The following KCNQ5 variants were observed in gnomAD, a reference collection of about 807,000 sequenced individuals.
KCNQ5 encodes potassium voltage-gated channel subfamily Q member 5, also known as potassium voltage-gated channel subfamily KQT member 5.
KCNQ5 carries 30 observed loss-of-function variants against 98.2 expected under a neutral mutation model. The ratio of observed to expected loss-of-function variants is 0.31; its 90% CI spans 0.23 to 0.41. The LOEUF (loss-of-function observed/expected upper bound fraction) is 0.41. Ranked by LOEUF, KCNQ5 falls within the 10% of genes least tolerant of loss-of-function variation. KCNQ5 has a pLI of 1.00. For synonymous variants in KCNQ5, 458 were observed against 449.4 expected (o/e 1.02, Z -0.24); for missense variants, 835 against 1,182.5 (o/e 0.71, Z 4.31).
chr6:73,193,464 A>AAAAATAAAATAAAATAATAAAATAAAAT (rs1765672704), intron 13 of KCNQ5, among the ~76,000 whole-genome samples: 1 of 126,696 alleles, frequency 7.9e-6, no homozygotes, highest in African/African-American at 3.0e-5. Context: ...TGTCTCTACT[A>AAAAATAAAATAAAATAATAAAATAAAAT]AAAATAAAAT....
intron 6 of KCNQ5, among the ~76,000 whole-genome samples, chr6:73,108,750 C>G (rs566104284): frequency 1.3e-5 from 2 of 152,136 alleles, no homozygotes; most frequent in African/African-American, 2.4e-5. Context: ...TGATGTAAAC[C>G]CAGGAGGCGG....
chr6:73,066,789 A>G (rs1490735784), intron 3 of KCNQ5, among the ~76,000 whole-genome samples: 1 of 152,080 alleles, frequency 6.6e-6, no homozygotes, highest in African/African-American at 2.4e-5. Flanking sequence ...TTATGCTTCC[A>G]TGCTTTACAT....
At chr6:73,081,974 A>C (rs1387357933) in intron 5 of KCNQ5, among the ~76,000 whole-genome samples, 1 of 152,236 alleles carries the variant, frequency 6.6e-6, no homozygotes, top group Non-Finnish European at 1.5e-5. Flanking sequence ...ACTTTATGCC[A>C]ACATTTCCAA....
intron 1 of KCNQ5, among the ~76,000 whole-genome samples, chr6:72,685,820 A>G (rs1271074827): frequency 6.6e-6 from 1 of 152,242 alleles, no homozygotes; most frequent in African/African-American, 2.4e-5. Context: ...CTAGAAATGT[A>G]TCTTGGGCTC....
At chr6:72,852,119 A>G (rs1190769857) in intron 1 of KCNQ5, among the ~76,000 whole-genome samples, 1 of 152,150 alleles carries the variant, frequency 6.6e-6, no homozygotes, top group Non-Finnish European at 1.5e-5. Flanking sequence ...ACTCTTTAGC[A>G]ATATTAAAGA....
chr6:72,844,792 G>A (rs747973067), intron 1 of KCNQ5, among the ~76,000 whole-genome samples: 65 of 152,126 alleles, frequency 4.3e-4, no homozygotes, highest in African/African-American at 1.2e-3. Context: ...GTGACATTTC[G>A]TGGCCACTGG....
intron 2 of KCNQ5, among the ~76,000 whole-genome samples, chr6:73,024,710 C>T (rs1770794393): frequency 6.6e-6 from 1 of 152,156 alleles, no homozygotes; most frequent in Non-Finnish European, 1.5e-5. Flanking sequence ...TGACTAGCAG[C>T]TTTTTATAAG....
intron 11 of KCNQ5, among the ~76,000 whole-genome samples, chr6:73,173,887 T>C (rs1032235741): frequency 6.6e-6 from 1 of 152,128 alleles, no homozygotes; most frequent in African/African-American, 2.4e-5. Context: ...CTTTTTTAAA[T>C]ATAACAGAAA....
At chr6:72,832,484 C>T (rs747616985) in intron 1 of KCNQ5, among the ~76,000 whole-genome samples, 10 of 152,050 alleles carry the variant, frequency 6.6e-5, no homozygotes, top group Non-Finnish European at 1.3e-4. Flanking sequence ...GTGTCATGCA[C>T]GGGACAGCCC....
chr6:72,692,451 A>C (rs897544323), intron 1 of KCNQ5, among the ~76,000 whole-genome samples: 2 of 152,226 alleles, frequency 1.3e-5, no homozygotes, highest in African/African-American at 2.4e-5. Flanking sequence ...ATGTATTTGA[A>C]TGTCTCTTTC....
chr6:72,884,677 G>C (rs951376913), intron 1 of KCNQ5, among the ~76,000 whole-genome samples: 10 of 151,694 alleles, frequency 6.6e-5, no homozygotes, highest in African/African-American at 2.4e-4. Flanking sequence ...AGAGCGGTGA[G>C]ACAATCTTGG....
chr6:72,751,266 C>G (rs1771668709), intron 1 of KCNQ5, among the ~76,000 whole-genome samples: 1 of 149,024 alleles, frequency 6.7e-6, no homozygotes, highest in South Asian at 2.1e-4. Context: ...CAAGAAAGTA[C>G]AGGATGAATT....
chr6:72,789,714 G>C (rs954006344), intron 1 of KCNQ5, among the ~76,000 whole-genome samples: 1 of 152,146 alleles, frequency 6.6e-6, no homozygotes, highest in Non-Finnish European at 1.5e-5. Context: ...GATACACAAA[G>C]AGATCAATAG....
chr6:72,649,833 C>CACA (rs1470226921), intron 1 of KCNQ5, among the ~76,000 whole-genome samples: 1 of 152,058 alleles, frequency 6.6e-6, no homozygotes, highest in East Asian at 1.9e-4. Context: ...AGTAAAAGGT[C>CACA]ACAGACAACA....
intron 1 of KCNQ5, among the ~76,000 whole-genome samples, chr6:72,911,688 A>C (rs571719851): frequency 6.6e-6 from 1 of 152,258 alleles, no homozygotes; most frequent in South Asian, 2.1e-4. Flanking sequence ...AGAAGGCATC[A>C]CTGGGGCCAG....
chr6:72,647,044 TA>T (rs780205412), intron 1 of KCNQ5, among the ~76,000 whole-genome samples: 15 of 152,218 alleles, frequency 9.9e-5, no homozygotes, highest in Non-Finnish European at 2.1e-4. Flanking sequence ...GGGTCCATTA[TA>T]AATAATAAAT....
chr6:72,910,766 T>TAGACTGG (rs1779911595), intron 1 of KCNQ5, among the ~76,000 whole-genome samples: 1 of 152,134 alleles, frequency 6.6e-6, no homozygotes, highest in African/African-American at 2.4e-5. Context: ...AGGATAAAAG[T>TAGACTGG]GAACATAGGT....
At chr6:72,950,846 G>A (rs1766770494) in intron 1 of KCNQ5, among the ~76,000 whole-genome samples, 1 of 152,204 alleles carries the variant, frequency 6.6e-6, no homozygotes, top group African/African-American at 2.4e-5. Context: ...TGCCTATCAT[G>A]ATGTCATAAG....
intron 1 of KCNQ5, among the ~76,000 whole-genome samples, chr6:72,896,141 GAGGT>G (rs1236064507): frequency 6.6e-6 from 1 of 152,130 alleles, no homozygotes; most frequent in Non-Finnish European, 1.5e-5. Context: ...CTTTGTAAAG[GAGGT>G]CACAATGTAG....
Sources: gnomAD v4.1 joint callset for allele counts (sites outside exome capture counted in the v4.1 genomes callset) on GRCh38, gnomAD v4.1.1 for gene constraint, MANE v1.5 for transcripts, NCBI Gene and HGNC (gene_info 2026-07-23, HGNC 2026-07-21) for gene names.